The following PDHA1 variants were observed in gnomAD, a reference collection of about 807,000 sequenced individuals.
PDHA1 encodes the protein pyruvate dehydrogenase E1 component subunit alpha, somatic form, mitochondrial.
PDHA1 carries 1 observed loss-of-function variant against 33.0 expected under a neutral mutation model. That is an observed-to-expected ratio of 0.03 (90% confidence interval 0.01 to 0.14). PDHA1 has a LOEUF of 0.14. Ranked by LOEUF, PDHA1 falls within the 10% of genes least tolerant of loss-of-function variation. The pLI, the probability that PDHA1 is intolerant of heterozygous loss-of-function variation, is 1.00. For synonymous variants in PDHA1, 123 were observed against 119.2 expected (o/e 1.03, Z -0.21); for missense variants, 168 against 325.1 (o/e 0.52, Z 3.72).
At chrX:19,356,797 A>AG in intron 8 of PDHA1, among the ~76,000 whole-genome samples, 1 of 88,878 alleles carries the variant, frequency 1.1e-5, no homozygotes, top group East Asian at 2.8e-4. Context: ...GAGCAGTTAA[A>AG]GGTACACAGC....
Position 19,355,475 on chromosome X carries a change from A to G in PDHA1, c.730A>G (p.Lys244Glu), listed in dbSNP as rs1298447182. The G allele has an allele frequency of 8.2e-7, 1 of 1,212,217 alleles. No individual in the cohort carries two copies. The highest frequency in any genetic ancestry group is 1.7e-5 in the African/African-American group (1 of 57,954). Residue 244 changes from lysine to glutamate, a missense_variant, in exon 7 of 11, where the codon AAG (lysine) becomes GAG (glutamate). This residue lies in a region of PDHA1 where 27 missense variants were observed against 43.8 expected (regional missense o/e 0.62). Transcript: ENST00000422285. Reference sequence around the variant, plus strand: ...AGCGGCAGCCAGCACTGATTACTACAAGAGAGGCGATTTCATTCCTGGGCT... The same window carrying G: ...AGCGGCAGCCAGCACTGATTACTACGAGAGAGGCGATTTCATTCCTGGGCT... Reference protein sequence around the residue: ...ERAAASTDYYKRGDFIPGLRV... With the variant: ...ERAAASTDYYERGDFIPGLRV...
At position 19,349,014 on chromosome X, in the gene PDHA1, A is replaced by G. The variant is rs181297955; in HGVS notation, c.58-298A>G. The stretch of plus-strand genomic sequence containing the variant: ...AGATGATCTAGTCTCTTTAGCCACT[A>G]ATTTCATTATATTCTCACTATAATT... On this transcript the variant is annotated intron_variant, in intron 1 of 10. Transcript: ENST00000422285. Among the ~76,000 whole-genome samples, 12 of 112,320 alleles carry G rather than the reference A, an allele frequency of 1.1e-4. No homozygotes were observed. The East Asian group carries it at 3.1e-3, about 29-fold the overall frequency.
At chrX:19,350,403 C>G (rs1915432016) in intron 3 of PDHA1, among the ~76,000 whole-genome samples, 1 of 110,732 alleles carries the variant, frequency 9.0e-6, no homozygotes, top group African/African-American at 3.3e-5. Flanking sequence ...GTATGTGGGA[C>G]CACAGGTGCA....
chrX:19,345,571 T>TA (rs1569188696), intron 1 of PDHA1, among the ~76,000 whole-genome samples: 28 of 62,788 alleles, frequency 4.5e-4, no homozygotes, highest in Non-Finnish European at 5.3e-4. Context: ...ACTCCGTATT[T>TA]TAAAAAAAAA....
intron 5 of PDHA1, among the ~76,000 whole-genome samples, chrX:19,353,653 T>C (rs1184151193): frequency 1.8e-5 from 2 of 112,064 alleles, no homozygotes; most frequent in African/African-American, 6.5e-5. Context: ...GACCTAGTGC[T>C]TCATATCCTA....
rs933553910 is a variant in PDHA1, at chrX:19,360,068, C to G, written c.*415C>G. The stretch of plus-strand genomic sequence containing the variant: ...GCGCTGACCATTTCTCTACAAGATA[C>G]AATATTTATTATCAGGCAAGAGGAC... On this transcript the variant is annotated 3_prime_UTR_variant, in exon 11 of 11. Coordinates refer to ENST00000422285, the MANE Select transcript of PDHA1 (RefSeq NM_000284.4). 3 of 189,574 alleles carry G rather than the reference C, an allele frequency of 1.6e-5. No individual in the cohort carries two copies. In the Admixed American group the frequency reaches 2.1e-4, roughly 14 times the overall value. The allele number at this position is 189,574 out of a possible 1,213,427, so 15.6% of individuals were successfully genotyped here.
At chrX:19,351,964 A>G (rs1377541728) in intron 4 of PDHA1, among the ~76,000 whole-genome samples, 1 of 108,418 alleles carries the variant, frequency 9.2e-6, no homozygotes, top group African/African-American at 3.4e-5. Context: ...ACACCTGGCT[A>G]ATTTTTGTAT....
In PDHA1 at chrX:19,355,263, C is replaced by G. The variant is rs987218125; in HGVS notation, c.604-86C>G. ...GCTTTCTGTGCTTTATGAAAGCTTT[C>G]TGTGCCAGGCAGAGCAGCAGCTGTT... On this transcript the variant is annotated intron_variant, in intron 6 of 10. Transcript: ENST00000422285. 3.7e-6 allele frequency: 4 copies of G among 1,071,646 alleles called. No homozygotes were observed. In the African/African-American group the frequency reaches 7.3e-5, roughly 20 times the overall value. 88.3% of individuals were successfully genotyped at this position (1,071,646 alleles called of 1,213,427 possible).
rs761624839 is a variant in PDHA1 at position 19,359,598 on chromosome X, C to T, written c.1118C>T (p.Pro373Leu). 6 of 1,211,486 alleles carry T rather than the reference C, an allele frequency of 5.0e-6. No individual in the cohort carries two copies. The highest frequency in any genetic ancestry group is 3.0e-5 in the East Asian group (1 of 33,835). The change falls in exon 11 of 11, where the codon CCA becomes CTA. Residue 373 changes from proline to leucine, a missense_variant. Pro to Leu is a moderately conservative substitution (Grantham distance 98). Transcript: ENST00000422285. ...GGCTACCACATCTACTCCAGCGACC[C>T]ACCTTTTGAAGTTCGTGGTGCCAAT... The part of the protein sequence containing the change: ...ELGYHIYSSD[P>L]PFEVRGANQW...
At position 19,361,636 on chromosome X, in the gene PDHA1, A is replaced by G; in HGVS notation, c.*1983A>G. The G allele has an allele frequency of 1.1e-6, 1 of 928,956 alleles. No homozygotes were observed. Among genetic ancestry groups the G allele is most frequent in the Non-Finnish European group, 1.5e-6 (1 of 654,138 alleles). 76.6% of individuals were successfully genotyped at this position (928,956 alleles called of 1,213,427 possible). ...TTGTTATATATTAGTCTAACCATAA[A>G]ACTCTTCAAAAGTAACCAGTTGGAT... On this transcript the variant is annotated 3_prime_UTR_variant, in exon 11 of 11. Coordinates refer to ENST00000422285, the MANE Select transcript of PDHA1 (RefSeq NM_000284.4).
intron 6 of PDHA1, 160 bp from the exon 7 acceptor site, chrX:19,355,189 A>C: frequency 6.9e-6 from 4 of 582,793 alleles, no homozygotes; most frequent in Non-Finnish European, 1.2e-5. Flanking sequence ...CTCCTCCACC[A>C]CCCACCCCGC....
chrX:19,353,433 A>T, intron 5 of PDHA1: 1 of 407,881 alleles, frequency 2.5e-6, no homozygotes, highest in East Asian at 4.4e-5. Context: ...TGCCTACAGG[A>T]TTCAGTAGAG....
Position 19,357,550 on chromosome X carries a change from C to T in PDHA1, c.832-102C>T, listed in dbSNP as rs1310464337. The T allele has an allele frequency of 6.3e-6, 4 of 632,536 alleles. No homozygotes were observed. In the Admixed American group the frequency reaches 6.6e-5, roughly 10 times the overall value. The allele number at this position is 632,536 out of a possible 1,213,427, so 52.1% of individuals were successfully genotyped here. ...ACTCAGAAGATCTGATAAGACTACA[C>T]TGGACGCTTAATAAAGGGCCTGCGT... On this transcript the variant is annotated intron_variant, in intron 8 of 10. Transcript: ENST00000422285.
chrX:19,353,513 T>G (rs2063176362), intron 5 of PDHA1, among the ~76,000 whole-genome samples: 1 of 112,026 alleles, frequency 8.9e-6, no homozygotes, highest in Non-Finnish European at 1.9e-5. Context: ...TGCAGTGGGC[T>G]GTACCATCTA....
intron 6 of PDHA1, 54 bp from the exon 7 acceptor site, chrX:19,355,295 G>T: frequency 8.6e-7 from 1 of 1,166,043 alleles, no homozygotes; most frequent in Non-Finnish European, 1.2e-6. Flanking sequence ...TGTTAGAGAT[G>T]ATGAAGCCTG....
intron 1 of PDHA1, among the ~76,000 whole-genome samples, chrX:19,344,673 C>T (rs1479749665): frequency 1.6e-4 from 1 of 6,230 alleles, no homozygotes; most frequent in Non-Finnish European, 3.5e-4. Context: ...TCAGTTAACT[C>T]TAAAATGGAG....
Position 19,358,978 on chromosome X carries a change from A to G in PDHA1, c.962A>G (p.Lys321Arg), listed in dbSNP as rs752399277. 1 of 1,194,872 alleles carries G rather than the reference A, an allele frequency of 8.4e-7. No homozygotes were observed. The highest frequency in any genetic ancestry group is 1.1e-6 in the Non-Finnish European group (1 of 880,055). Residue 321 changes from lysine to arginine, a missense_variant, in exon 10 of 11, where the codon AAG (lysine) becomes AGG (arginine). Coordinates refer to ENST00000422285, the MANE Select transcript of PDHA1 (RefSeq NM_000284.4). Reference sequence around the variant, plus strand: ...AAGAGTGACCCTATTATGCTTCTCAAGGACAGGATGGTGAACAGCAATCTT... The same window carrying G: ...AAGAGTGACCCTATTATGCTTCTCAGGGACAGGATGGTGAACAGCAATCTT... The part of the protein sequence containing the change: ...RSKSDPIMLL[K>R]DRMVNSNLAS...
chrX:19,344,161 G>A, intron 1 of PDHA1, 67 bp downstream of exon 1: 1 of 954,597 alleles, frequency 1.0e-6, no homozygotes. Flanking sequence ...AGGGCAGGGC[G>A]GGCCAGGCCG....
rs779602555 is a variant in PDHA1, at chrX:19,359,775, G to A, written c.*122G>A. ...AAATTCTTGGAAACTTCCATTAAGT[G>A]TGTAGATTGAGCAGGTAGTAATTGC... On this transcript the variant is annotated 3_prime_UTR_variant, in exon 11 of 11. Transcript: ENST00000422285. 1.3e-5 allele frequency: 8 copies of A among 629,997 alleles called. No homozygotes were observed. Among genetic ancestry groups the A allele is most frequent in the Non-Finnish European group, 2.1e-5 (8 of 389,301 alleles). 51.9% of individuals were successfully genotyped at this position (629,997 alleles called of 1,213,427 possible). A position where few individuals can be genotyped will look rare whatever the true frequency, so the allele number is the denominator to read the frequency against.
Sources: allele counts gnomAD v4.1 joint callset (sites outside exome capture counted in the v4.1 genomes callset), GRCh38; gene constraint gnomAD v4.1.1; regional missense constraint gnomAD v4.1.1; transcripts MANE v1.5; gene names NCBI Gene and HGNC (gene_info 2026-07-23, HGNC 2026-07-21).